Variants in SLC22A15 observed in about 807,000 individuals in gnomAD.
SLC22A15 encodes flipt 1.
In SLC22A15, 45 loss-of-function variants were observed where a neutral mutation model predicts 62.7. The ratio of observed to expected loss-of-function variants is 0.72; its 90% CI spans 0.56 to 0.92. SLC22A15 has a LOEUF of 0.92. SLC22A15 is among the 40% of genes least tolerant of loss of function. The pLI, the probability that SLC22A15 is intolerant of heterozygous loss-of-function variation, is 0.00. For synonymous variants in SLC22A15, 264 were observed against 267.0 expected (o/e 0.99, Z 0.11); for missense variants, 622 against 665.6 (o/e 0.93, Z 0.72).
chr1:115,997,053 A>G (rs939120315), intron 2 of SLC22A15, among the ~76,000 whole-genome samples: 1 of 152,100 alleles, frequency 6.6e-6, no homozygotes, highest in African/African-American at 2.4e-5. Flanking sequence ...TTCTGATCTT[A>G]GAAGGGATAC....
At chr1:116,003,429 G>A (rs1238730351) in intron 2 of SLC22A15, among the ~76,000 whole-genome samples, 2 of 152,166 alleles carry the variant, frequency 1.3e-5, no homozygotes, top group East Asian at 3.9e-4. Context: ...TAGGCCACAA[G>A]AACTAGTTTA....
chr1:115,984,980 T>A (rs1285178642), intron 1 of SLC22A15, among the ~76,000 whole-genome samples: 1 of 152,164 alleles, frequency 6.6e-6, no homozygotes, highest in African/African-American at 2.4e-5. Context: ...CATTTTAAGT[T>A]TAAAAAGTAG....
intron 2 of SLC22A15, among the ~76,000 whole-genome samples, chr1:116,002,289 ACATGAAGTTGGCATAGTACCAG>A (rs1441642889): frequency 2.0e-5 from 3 of 152,204 alleles, no homozygotes; most frequent in Non-Finnish European, 4.4e-5. Flanking sequence ...ACTGGGTCAC[ACATGAAGTTGGCATAGTACCAG>A]GTCCTGCCCA....
intron 4 of SLC22A15, among the ~76,000 whole-genome samples, chr1:116,025,692 G>T (rs527699798): frequency 6.6e-6 from 1 of 152,298 alleles, no homozygotes; most frequent in Admixed American, 6.5e-5. Flanking sequence ...TTACAGCTCT[G>T]TGTCCTTAGG....
intron 8 of SLC22A15, among the ~76,000 whole-genome samples, chr1:116,039,555 A>T (rs1246664006): frequency 6.6e-6 from 1 of 152,128 alleles, no homozygotes; most frequent in East Asian, 1.9e-4. Flanking sequence ...AAAGATTTCC[A>T]GGGAAATTAT....
rs1261367664 is a variant in SLC22A15 at position 115,976,594 on chromosome 1, G to C, written c.-34G>C. 1 of 1,516,568 alleles carries C rather than the reference G, an allele frequency of 6.6e-7. No homozygotes were observed. The highest frequency in any genetic ancestry group is 8.9e-7 in the Non-Finnish European group (1 of 1,123,544). The allele number at this position is 1,516,568 out of a possible 1,614,324, so 93.9% of individuals were successfully genotyped here. On this transcript the variant is annotated 5_prime_UTR_variant, in exon 1 of 12. Transcript: ENST00000369503. ...GCGGGAGGGCAGCGCCTGAGAGGGC[G>C]GTGGGGTGGCGGGGTTCCTGCGCGC... is the stretch of plus-strand genomic sequence containing the variant.
At chr1:115,995,929 A>G (rs952442737) in intron 2 of SLC22A15, among the ~76,000 whole-genome samples, 1 of 152,202 alleles carries the variant, frequency 6.6e-6, no homozygotes, top group Non-Finnish European at 1.5e-5. Context: ...TCCAATGGGG[A>G]AAACCATAGT....
At chr1:116,036,429 C>T (rs879562915) in intron 7 of SLC22A15, among the ~76,000 whole-genome samples, 1 of 152,136 alleles carries the variant, frequency 6.6e-6, no homozygotes, top group Non-Finnish European at 1.5e-5. Flanking sequence ...GAAAAGAACA[C>T]TCAAGACCTT....
At chr1:116,046,745 A>G (rs1029478644) in intron 8 of SLC22A15, among the ~76,000 whole-genome samples, 3 of 152,184 alleles carry the variant, frequency 2.0e-5, no homozygotes, top group African/African-American at 7.2e-5. Context: ...CGGAAGTGGG[A>G]AAGGGAGATC....
Position 116,067,052 on chromosome 1 carries a change from A to C in SLC22A15, c.1588A>C (p.Ser530Arg). 6.2e-7 allele frequency: 1 copy of C among 1,612,730 alleles called. No individual in the cohort carries two copies. The highest frequency in any genetic ancestry group is 8.5e-7 in the Non-Finnish European group (1 of 1,179,480). ...CAAGGAGAGCTCTTTAGGGAGTGAG[A>C]GTGAGGAAGAGGAAGAATTTTATGA... The part of the protein sequence containing the change: ...VDKESSLGSE[S>R]EEEEEFYDAD... Residue 530 changes from serine (S) to arginine (R), a missense_variant, in exon 12 of 12, where the codon AGT becomes CGT. Coordinates refer to ENST00000369503, the MANE Select transcript of SLC22A15 (RefSeq NM_018420.3).
Position 116,019,685 on chromosome 1 carries a change from G to A in SLC22A15, c.404G>A (p.Arg135His), listed in dbSNP as rs371866306. Residue 135 changes from arginine (R) to histidine (H), a missense_variant, in exon 3 of 12, where the codon CGC becomes CAC. Physicochemically the swap from Arg to His is conservative, Grantham distance 29 (BLOSUM62 0). Transcript: ENST00000369503. Reference protein sequence around the residue: ...GVISFGQLSDRFGRKKVYLTG... With the variant: ...GVISFGQLSDHFGRKKVYLTG... ...ATCTCTTTTGGTCAGCTTTCAGATC[G>A]CTTCGGAAGGAAAAAAGTCTATCTC... is the stretch of plus-strand genomic sequence containing the variant. 6.4e-5 allele frequency: 103 copies of A among 1,613,036 alleles called. 1 individual carries two copies. The highest frequency in any genetic ancestry group is 8.1e-5 in the Non-Finnish European group (96 of 1,179,724).
chr1:115,976,637 G>T lies in SLC22A15; in HGVS notation c.10G>T (p.Glu4Ter), dbSNP rs373923999. 6.9e-6 allele frequency: 11 copies of T among 1,582,956 alleles called. No homozygotes were observed. Among genetic ancestry groups the T allele is most frequent in the Non-Finnish European group, 8.6e-6 (10 of 1,167,556 alleles). The change falls in exon 1 of 12, where the codon GAG becomes TAG. Residue 4 changes from glutamate (E) to a stop codon, truncating the protein, a stop_gained. Transcript: ENST00000369503. LOFTEE classifies it high-confidence loss of function. ...CTGCGCGCGGCCCGCCATGGAGGTG[G>T]AGGAGGCGTTCCAGGCGGTGGGGGA... MEV[E>*]EAFQAVGEMG...
chr1:116,012,988 T>A (rs1490766900), intron 2 of SLC22A15, among the ~76,000 whole-genome samples: 1 of 152,198 alleles, frequency 6.6e-6, no homozygotes, highest in Non-Finnish European at 1.5e-5. Flanking sequence ...GTAAATTACA[T>A]GAGGTAGTCC....
chr1:116,020,504 C>T (rs577155844), intron 3 of SLC22A15, among the ~76,000 whole-genome samples: 3 of 149,598 alleles, frequency 2.0e-5, no homozygotes, highest in East Asian at 3.9e-4. Context: ...TGCAGCGAGC[C>T]GAGATTGTGC....
rs573010885 is a variant in SLC22A15, at chr1:116,035,289, A to T, written c.1047A>T (p.Pro349=). The T allele has an allele frequency of 3.7e-6, 6 of 1,613,102 alleles. No individual in the cohort carries two copies. The highest frequency in any genetic ancestry group is 5.1e-6 in the Non-Finnish European group (6 of 1,179,524). ...CCCTGTCTGGCCTCATAGAGATTCC[A>T]TCTTACCCTCTCTGTATCTACTTGA... is the stretch of plus-strand genomic sequence containing the variant. ...NLALSGLIEI[P]SYPLCIYLIN... is the part of the protein sequence containing the mutation. The change falls in exon 7 of 12, where the codon CCA becomes CCT. Residue 349 remains proline, a synonymous_variant. Coordinates refer to ENST00000369503, the MANE Select transcript of SLC22A15 (RefSeq NM_018420.3).
chr1:115,976,723 C>T lies in SLC22A15; in HGVS notation c.87+9C>T. The T allele has an allele frequency of 3.2e-6, 5 of 1,575,406 alleles. No individual in the cohort carries two copies. Among genetic ancestry groups the T allele is most frequent in the Non-Finnish European group, 3.4e-6 (4 of 1,162,428 alleles). On this transcript the variant is annotated intron_variant, in intron 1 of 11. Transcript: ENST00000369503. ...TGGCCGTGCTGCTGCAGGTAAGTCC[C>T]CGCGGCCCCGCAGCCGCATTTCCCT...
chr1:116,013,083 A>G (rs1424962617), intron 2 of SLC22A15, among the ~76,000 whole-genome samples: 2 of 152,212 alleles, frequency 1.3e-5, no homozygotes, highest in African/African-American at 2.4e-5. Context: ...AATGTAGGCT[A>G]TGAGGTATGA....
At chr1:116,055,919 GCTAT>G (rs1473985038) in intron 8 of SLC22A15, among the ~76,000 whole-genome samples, 2 of 148,532 alleles carry the variant, frequency 1.3e-5, no homozygotes, top group East Asian at 4.0e-4. Flanking sequence ...AATAATAAGA[GCTAT>G]CTATGACAAA....
At chr1:116,059,690 GTACCTGTCTTAAAGAT>G (rs1658327083) in intron 8 of SLC22A15, among the ~76,000 whole-genome samples, 1 of 152,140 alleles carries the variant, frequency 6.6e-6, no homozygotes, top group Non-Finnish European at 1.5e-5. Context: ...CAGAGGACCT[GTACCTGTCTTAAAGAT>G]TTTTAACATG....
Sources: gnomAD v4.1 joint callset for allele counts (sites outside exome capture counted in the v4.1 genomes callset) on GRCh38, gnomAD v4.1.1 for gene constraint, MANE v1.5 for transcripts, NCBI Gene and HGNC (gene_info 2026-07-23, HGNC 2026-07-21) for gene names.